The following CNTNAP2 variants were observed in gnomAD, a reference collection of about 807,000 sequenced individuals.
CNTNAP2 encodes the protein contactin associated protein 2.
Under a neutral mutation model 155.2 loss-of-function variants are expected in CNTNAP2, and 98 were observed. The observed-to-expected ratio is 0.63, with a 90% CI of 0.54 to 0.75. The LOEUF (loss-of-function observed/expected upper bound fraction) is 0.75. CNTNAP2 is among the 30% of genes least tolerant of loss of function. The pLI is 0.00. For missense variants in CNTNAP2, 1,727 were observed against 1,688.1 expected (o/e 1.02, Z -0.40); for synonymous variants, 651 against 631.2 (o/e 1.03, Z -0.47).
chr7:147,319,849 T>G (rs752431941), intron 9 of CNTNAP2, among the ~76,000 whole-genome samples: 1 of 152,166 alleles, frequency 6.6e-6, no homozygotes, highest in Non-Finnish European at 1.5e-5. Flanking sequence ...GGTATGGCAT[T>G]TTGTGGTTTC....
intron 12 of CNTNAP2, among the ~76,000 whole-genome samples, chr7:147,601,923 T>C (rs1800954656): frequency 6.6e-6 from 1 of 152,048 alleles, no homozygotes; most frequent in South Asian, 2.1e-4. Flanking sequence ...TAAAAGAAAG[T>C]AAGTCTTCCG....
intron 3 of CNTNAP2, among the ~76,000 whole-genome samples, chr7:146,842,835 G>A (rs1468347785): frequency 6.6e-5 from 10 of 150,644 alleles, no homozygotes; most frequent in Admixed American, 5.3e-4. Context: ...ACAGGCGCCC[G>A]CCACCACGCC....
chr7:147,506,665 T>C (rs1798911637), intron 11 of CNTNAP2, among the ~76,000 whole-genome samples: 2 of 152,218 alleles, frequency 1.3e-5, no homozygotes, highest in Admixed American at 1.3e-4. Flanking sequence ...CTAAATGTAG[T>C]TAGTTGCCCG....
At chr7:146,980,704 G>T (rs1413841712) in intron 3 of CNTNAP2, among the ~76,000 whole-genome samples, 5 of 152,130 alleles carry the variant, frequency 3.3e-5, no homozygotes, top group Non-Finnish European at 7.3e-5. Context: ...ACCAGATCTA[G>T]CATGAACTGA....
intron 21 of CNTNAP2, among the ~76,000 whole-genome samples, chr7:148,329,636 T>C (rs552226338): frequency 1.3e-5 from 2 of 152,310 alleles, no homozygotes; most frequent in South Asian, 4.1e-4. Context: ...GGGGAAGGTC[T>C]TGAGGAGAGG....
chr7:147,703,086 T>C (rs1293228606), intron 13 of CNTNAP2, among the ~76,000 whole-genome samples: 1 of 152,206 alleles, frequency 6.6e-6, no homozygotes, highest in East Asian at 1.9e-4. Flanking sequence ...CCTGTCCTCT[T>C]CAGTTCTGAT....
rs143358892 is a variant in CNTNAP2 at position 148,118,251 on chromosome 7, T to C, written c.2517T>C (p.Asn839=). The change falls in exon 16 of 24, where the codon AAT becomes AAC. Residue 839 remains asparagine (N), a synonymous_variant. Coordinates refer to ENST00000361727, the MANE Select transcript of CNTNAP2 (RefSeq NM_014141.6). ...CCCCCTGGGGAGTGTTTCTTGAAAA[T>C]ATGGGAAAGGAAGATTTCATCAAGC... The part of the protein sequence containing the change: ...TLTPWGVFLE[N]MGKEDFIKLE... 7.6e-5 allele frequency: 122 copies of C among 1,613,964 alleles called. No individual in the cohort carries two copies. The highest frequency in any genetic ancestry group is 2.7e-4 in the Admixed American group (16 of 59,994).
chr7:147,059,441 T>A (rs1799622293), intron 4 of CNTNAP2, among the ~76,000 whole-genome samples: 2 of 152,106 alleles, frequency 1.3e-5, no homozygotes, highest in South Asian at 4.2e-4. Flanking sequence ...TGATTTTTTT[T>A]TTTTTTTTTT....
chr7:147,514,959 G>A (rs1350375323), intron 11 of CNTNAP2, among the ~76,000 whole-genome samples: 2 of 152,058 alleles, frequency 1.3e-5, no homozygotes, highest in Non-Finnish European at 2.9e-5. Context: ...ATGCATTCTG[G>A]TCATGTCCAA....
At chr7:146,545,982 A>T (rs2693399) in intron 1 of CNTNAP2, among the ~76,000 whole-genome samples, 5,021 of 152,064 alleles carry the variant, frequency 0.033, 293 homozygotes, top group African/African-American at 0.11. Flanking sequence ...ATGGATCATG[A>T]TATATTCCAC....
At chr7:146,613,508 T>C (rs1398946570) in intron 1 of CNTNAP2, among the ~76,000 whole-genome samples, 11 of 152,212 alleles carry the variant, frequency 7.2e-5, no homozygotes, top group African/African-American at 2.7e-4. Context: ...ATCTACATTA[T>C]TGAGTAAACA....
chr7:148,082,394 A>G (rs1432016812), intron 15 of CNTNAP2, among the ~76,000 whole-genome samples: 2 of 152,164 alleles, frequency 1.3e-5, no homozygotes, highest in East Asian at 3.9e-4. Flanking sequence ...TTCTCTTATG[A>G]GTTATGGGAG....
rs753369670 is a variant in CNTNAP2, at chr7:148,416,814, T to C, written c.*1198T>C. ...GATCTTTCTTCTAAGACGGACACATTTGAACCTCAGGTTCATCACAAACCT... is the reference window on the plus strand; with the variant it reads ...GATCTTTCTTCTAAGACGGACACATCTGAACCTCAGGTTCATCACAAACCT... On this transcript the variant is annotated 3_prime_UTR_variant, in exon 24 of 24. Transcript: ENST00000361727. The C allele has an allele frequency of 1.3e-5, 2 of 152,656 alleles. No homozygotes were observed. Among genetic ancestry groups the C allele is most frequent in the Non-Finnish European group, 2.9e-5 (2 of 68,030 alleles). The allele number at this position is 152,656 out of a possible 1,614,324, so 9.5% of individuals were successfully genotyped here.
intron 12 of CNTNAP2, among the ~76,000 whole-genome samples, chr7:147,600,003 A>C (rs149384957): frequency 0.01 from 1,527 of 152,328 alleles, 33 homozygotes; most frequent in African/African-American, 0.034. Flanking sequence ...TATTCACAAT[A>C]ATTGATAAAA....
chr7:147,770,086 A>G (rs927386090), intron 13 of CNTNAP2, among the ~76,000 whole-genome samples: 2 of 152,176 alleles, frequency 1.3e-5, no homozygotes, highest in Non-Finnish European at 2.9e-5. Context: ...CCTTTTGAGC[A>G]AGAGTCAAAT....
chr7:146,707,916 T>TA lies in CNTNAP2; in HGVS notation c.98-66353dup, dbSNP rs371308319. Among the ~76,000 whole-genome samples the TA allele has an allele frequency of 4.5e-3, 692 of 152,206 alleles. 6 individuals carry two copies. Among genetic ancestry groups the TA allele is most frequent in the African/African-American group, 0.016 (655 of 41,534 alleles). On this transcript the variant is annotated intron_variant, in intron 1 of 23. Coordinates refer to ENST00000361727, the MANE Select transcript of CNTNAP2 (RefSeq NM_014141.6). ...GTAGGGTAGGCATAGCACTTTTTTT[T>TA]AATGCATGGAGTAGGAAATTCAAAG... is the stretch of plus-strand genomic sequence containing the variant.
At chr7:146,752,011 T>C (rs1801913151) in intron 1 of CNTNAP2, among the ~76,000 whole-genome samples, 1 of 152,192 alleles carries the variant, frequency 6.6e-6, no homozygotes, top group African/African-American at 2.4e-5. Context: ...ACCTTTTCTT[T>C]ATGCAGTCTA....
chr7:147,015,103 T>C (rs959799804), intron 3 of CNTNAP2, among the ~76,000 whole-genome samples: 1 of 151,806 alleles, frequency 6.6e-6, no homozygotes, highest in African/African-American at 2.4e-5. Context: ...TTTTTTTTTT[T>C]CTTTTTTCCC....
At chr7:146,462,864 A>T (rs1461243233) in intron 1 of CNTNAP2, among the ~76,000 whole-genome samples, 1 of 152,144 alleles carries the variant, frequency 6.6e-6, no homozygotes, top group Admixed American at 6.6e-5. Context: ...TCTCTTTCTG[A>T]ATAGTCCAGA....
Sources: gnomAD v4.1 joint callset for allele counts (sites outside exome capture counted in the v4.1 genomes callset) on GRCh38, gnomAD v4.1.1 for gene constraint, MANE v1.5 for transcripts, NCBI Gene and HGNC (gene_info 2026-07-23, HGNC 2026-07-21) for gene names.